Variants in CFAP20DC observed in about 807,000 individuals in gnomAD.
CFAP20DC encodes protein CFAP20DC.
A neutral mutation model predicts 101.7 loss-of-function variants in CFAP20DC; 84 were observed. The observed-to-expected ratio is 0.83, with a 90% CI of 0.69 to 0.99. The LOEUF (loss-of-function observed/expected upper bound fraction) is 0.99, where lower values mean the gene tolerates loss of function less well. Among genes scored for constraint, CFAP20DC ranks in the 50% least tolerant of loss-of-function variants. CFAP20DC has a pLI of 0.00. For missense variants in CFAP20DC, 1,007 were observed against 970.3 expected, an observed-to-expected ratio of 1.04 and a Z score of -0.50; for synonymous variants, 359 against 351.2, an observed-to-expected ratio of 1.02 and a Z score of -0.25.
At chr3:58,745,623 C>T (rs945064946) in intron 16 of CFAP20DC, among the ~76,000 whole-genome samples, 9 of 152,150 alleles carry the variant, frequency 5.9e-5, no homozygotes, top group African/African-American at 1.9e-4. Context: ...ATATGCATAA[C>T]ACAGCACACA....
intron 13 of CFAP20DC, among the ~76,000 whole-genome samples, chr3:58,846,298 T>A (rs1012266124): frequency 1.6e-4 from 25 of 151,878 alleles, no homozygotes; most frequent in African/African-American, 5.3e-4. Flanking sequence ...CTTAAGCTGA[T>A]AAGCAACTTC....
intron 4 of CFAP20DC, among the ~76,000 whole-genome samples, chr3:59,016,089 G>A (rs969910738): frequency 6.6e-6 from 1 of 151,976 alleles, no homozygotes; most frequent in Non-Finnish European, 1.5e-5. Flanking sequence ...CTAAAAATAT[G>A]GATTGCTGAG....
chr3:59,029,531 G>C (rs2093951091), intron 4 of CFAP20DC, among the ~76,000 whole-genome samples: 1 of 152,034 alleles, frequency 6.6e-6, no homozygotes, highest in South Asian at 2.1e-4. Flanking sequence ...ACTTCACCTG[G>C]TGCGTGAGGA....
intron 13 of CFAP20DC, among the ~76,000 whole-genome samples, chr3:58,847,457 C>T (rs1206905204): frequency 2.7e-5 from 4 of 150,094 alleles, no homozygotes; most frequent in Non-Finnish European, 6.0e-5. Flanking sequence ...CAAATCAAAA[C>T]CACAATGAGA....
intron 12 of CFAP20DC, among the ~76,000 whole-genome samples, chr3:58,857,168 G>A (rs1472715713): frequency 2.0e-5 from 3 of 152,202 alleles, no homozygotes; most frequent in African/African-American, 7.2e-5. Flanking sequence ...TCATAAGGTA[G>A]AAGATAGTAA....
intron 15 of CFAP20DC, among the ~76,000 whole-genome samples, chr3:58,761,214 C>G (rs1326488808): frequency 6.6e-6 from 1 of 152,146 alleles, no homozygotes; most frequent in Non-Finnish European, 1.5e-5. Context: ...AATTTCAGAG[C>G]CTGTCATTGG....
At chr3:58,761,129 C>A (rs968601206) in intron 15 of CFAP20DC, among the ~76,000 whole-genome samples, 4 of 152,122 alleles carry the variant, frequency 2.6e-5, no homozygotes, top group African/African-American at 9.7e-5. Context: ...CCTCCTTGTA[C>A]CTCTGGTACA....
chr3:58,931,228 C>T (rs1393086470), intron 5 of CFAP20DC, among the ~76,000 whole-genome samples: 3 of 152,100 alleles, frequency 2.0e-5, no homozygotes, highest in African/African-American at 4.8e-5. Flanking sequence ...GAGGGGTGCG[C>T]GCCATTGCCC....
intron 4 of CFAP20DC, among the ~76,000 whole-genome samples, chr3:58,951,431 C>T (rs1342506714): frequency 6.6e-6 from 1 of 152,170 alleles, no homozygotes; most frequent in Non-Finnish European, 1.5e-5. Flanking sequence ...GATTAGAAAT[C>T]ATGCTGCTAT....
chr3:58,886,294 G>A (rs1363606115), intron 6 of CFAP20DC, among the ~76,000 whole-genome samples: 1 of 151,944 alleles, frequency 6.6e-6, no homozygotes, highest in Non-Finnish European at 1.5e-5. Flanking sequence ...GTGTTTCATG[G>A]GATGAGACAG....
chr3:58,936,812 T>C (rs911857769), intron 5 of CFAP20DC, among the ~76,000 whole-genome samples: 3 of 152,098 alleles, frequency 2.0e-5, no homozygotes, highest in African/African-American at 7.2e-5. Flanking sequence ...TTAGGAGATA[T>C]ACCTAATGCT....
intron 4 of CFAP20DC, among the ~76,000 whole-genome samples, chr3:59,004,900 G>A (rs564186373): frequency 6.6e-6 from 1 of 152,276 alleles, no homozygotes; most frequent in East Asian, 1.9e-4. Flanking sequence ...GCCAGAGAAA[G>A]TACCTTATAA....
chr3:59,027,136 T>G (rs1422182091), intron 4 of CFAP20DC, among the ~76,000 whole-genome samples: 1 of 152,206 alleles, frequency 6.6e-6, no homozygotes, highest in African/African-American at 2.4e-5. Flanking sequence ...ATGAGCATCA[T>G]AAATTCTGTA....
intron 5 of CFAP20DC, among the ~76,000 whole-genome samples, chr3:58,933,037 C>T (rs1377725917): frequency 6.6e-6 from 1 of 152,198 alleles, no homozygotes; most frequent in Admixed American, 6.5e-5. Context: ...ATCTCACGTG[C>T]AGAGACACAC....
rs577385928 is a variant in CFAP20DC, at chr3:58,899,281, G to A, written c.550+14427C>T. On this transcript the variant is annotated intron_variant, in intron 6 of 16. Coordinates refer to ENST00000482387, the MANE Select transcript of CFAP20DC (RefSeq NM_001394063.1). The surrounding 1 kb of genome is among the most constrained non-coding windows in gnomAD (Gnocchi z 5.0). ...CTGTCTGGACTCTCCAGAGCTGGCA[G>A]GTTGGAACTGCTGAGTTGCCTAAAC... is the stretch of plus-strand genomic sequence containing the variant. Among the ~76,000 whole-genome samples the A allele has an allele frequency of 6.6e-6, 1 of 152,354 alleles. No homozygotes were observed. The highest frequency in any genetic ancestry group is 6.5e-5 in the Admixed American group (1 of 15,310).
Position 58,913,521 on chromosome 3 carries a change from G to C in CFAP20DC, c.550+187C>G, listed in dbSNP as rs2084360230. The C allele has an allele frequency of 3.2e-6, 2 of 626,884 alleles. No homozygotes were observed. The highest frequency in any genetic ancestry group is 2.9e-5 in the Admixed American group (1 of 34,348). 38.8% of individuals were successfully genotyped at this position (626,884 alleles called of 1,614,324 possible). A position where few individuals can be genotyped will look rare whatever the true frequency, so the allele number is the denominator to read the frequency against. ...CAAAAAGAAGATTAATACCTTTTTT[G>C]TGACATTCAGCTATAGTAAAAATAA... On this transcript the variant is annotated intron_variant, in intron 6 of 16. Transcript: ENST00000482387. The surrounding 1 kb of genome is among the most constrained non-coding windows in gnomAD (Gnocchi z 4.4).
At chr3:58,766,265 A>G (rs911620172) in intron 15 of CFAP20DC, among the ~76,000 whole-genome samples, 2 of 152,200 alleles carry the variant, frequency 1.3e-5, no homozygotes, top group Admixed American at 1.3e-4. Flanking sequence ...TTACAAAAAC[A>G]GGCAGTGGGT....
In CFAP20DC at chr3:58,849,460, A is replaced by G. The variant is rs1320913590; in HGVS notation, c.1594-51T>C. On this transcript the variant is annotated intron_variant, in intron 12 of 16. Transcript: ENST00000482387. Reference sequence around the variant, plus strand: ...AATTTTGAGCAGAAATTTGTGGTGAATAAGTTACTGAGTACAAGTTCTTAA... The same window carrying G: ...AATTTTGAGCAGAAATTTGTGGTGAGTAAGTTACTGAGTACAAGTTCTTAA... 6 of 1,340,986 alleles carry G rather than the reference A, an allele frequency of 4.5e-6. No individual in the cohort carries two copies. In the East Asian group the frequency reaches 7.5e-5, roughly 17 times the overall value. 83.1% of individuals were successfully genotyped at this position (1,340,986 alleles called of 1,614,324 possible).
intron 3 of CFAP20DC, among the ~76,000 whole-genome samples, chr3:58,718,213 A>C (rs949621092): frequency 9.2e-5 from 14 of 152,236 alleles, no homozygotes; most frequent in African/African-American, 2.9e-4. Flanking sequence ...CCAGATGGCA[A>C]GGAAAATGCC....
Sources: allele counts gnomAD v4.1 joint callset (sites outside exome capture counted in the v4.1 genomes callset), GRCh38; gene constraint gnomAD v4.1.1; non-coding constraint Gnocchi (gnomAD v3.1); transcripts MANE v1.5; gene names NCBI Gene and HGNC (gene_info 2026-07-23, HGNC 2026-07-21).